The following EFNB3 variants were observed in gnomAD, a reference collection of about 807,000 sequenced individuals.
EFNB3 encodes the protein ephrin-B3.
Under a neutral mutation model 29.8 loss-of-function variants are expected in EFNB3, and 14 were observed. That is an observed-to-expected ratio of 0.47 (90% CI 0.31 to 0.73). The LOEUF is 0.73. EFNB3 is among the 30% of genes least tolerant of loss of function. EFNB3 has a pLI of 0.05. For missense variants in EFNB3, 408 were observed against 458.0 expected (o/e 0.89, Z 1.00); for synonymous variants, 216 against 191.6 (o/e 1.13, Z -1.05).
At position 7,709,058 on chromosome 17, in the gene EFNB3, TG is replaced by T; in HGVS notation, c.614-106del. The T allele has an allele frequency of 8.7e-7, 1 of 1,154,444 alleles. No homozygotes were observed. Among genetic ancestry groups the T allele is most frequent in the Non-Finnish European group, 1.2e-6 (1 of 802,246 alleles). 71.5% of individuals were successfully genotyped at this position (1,154,444 alleles called of 1,614,324 possible). ...GGAGAGATGGGGTCCCCAAGGGGCC[TG>T]GGCGCTACAAGGGAAGCCCATGGGG... On this transcript the variant is annotated intron_variant, in intron 4 of 4. Coordinates refer to ENST00000226091, the MANE Select transcript of EFNB3 (RefSeq NM_001406.4). The surrounding 1 kb of genome is among the most constrained non-coding windows in gnomAD (Gnocchi z 4.5).
rs186822054 is a variant in EFNB3, at chr17:7,706,134, C to T, written c.122+414C>T. ...AGGCAGGGCAGGGTGCCTCCCTCCCCCAGAGGGACTGCGCATCCGAGATGG... is the reference window on the plus strand; with the variant it reads ...AGGCAGGGCAGGGTGCCTCCCTCCCTCAGAGGGACTGCGCATCCGAGATGG... On this transcript the variant is annotated intron_variant, in intron 1 of 4. Coordinates refer to ENST00000226091, the MANE Select transcript of EFNB3 (RefSeq NM_001406.4). 9.9e-4 allele frequency among the ~76,000 whole-genome samples: 148 copies of T among 149,992 alleles called. 3 individuals carry two copies. The highest frequency in any genetic ancestry group is 7.5e-3 in the Admixed American group (113 of 14,988).
intron 1 of EFNB3, 116 bp from the exon 2 acceptor site, chr17:7,707,842 G>A (rs1463079335): frequency 3.3e-6 from 4 of 1,194,882 alleles, no homozygotes; most frequent in South Asian, 3.0e-5. Context: ...AGACAAAGGC[G>A]GGCAAGCGTG....
Position 7,708,818 on chromosome 17 carries a change from C to T in EFNB3, c.613+79C>T. On this transcript the variant is annotated intron_variant, in intron 4 of 4. Transcript: ENST00000226091. The surrounding 1 kb of genome is among the most constrained non-coding windows in gnomAD (Gnocchi z 6.8). ...CCCAGCTGCCCTGCCGTCACCCTCC[C>T]TCCCTCTTCAGTTTTGGGGGCGGTG... The T allele has an allele frequency of 7.6e-7, 1 of 1,311,180 alleles. No individual in the cohort carries two copies. The highest frequency in any genetic ancestry group is 2.7e-4 in the Middle Eastern group (1 of 3,670). The allele number at this position is 1,311,180 out of a possible 1,614,324, so 81.2% of individuals were successfully genotyped here.
At position 7,709,122 on chromosome 17, in the gene EFNB3, C is replaced by T; in HGVS notation, c.614-45C>T. The T allele has an allele frequency of 6.3e-7, 1 of 1,577,892 alleles. No homozygotes were observed. Among genetic ancestry groups the T allele is most frequent in the Non-Finnish European group, 8.6e-7 (1 of 1,168,308 alleles). ...GGGTGTCCAGGTGCCCAGGTGGCTC[C>T]TTCAGTCCCTCCCCCTCTTTCCTCC... On this transcript the variant is annotated intron_variant, in intron 4 of 4. Transcript: ENST00000226091. This position sits in a 1 kb window ranked among gnomAD's most constrained non-coding sequence, Gnocchi z 4.5.
Position 7,705,597 on chromosome 17 carries a change from T to A in EFNB3, c.-2T>A. On this transcript the variant is annotated 5_prime_UTR_variant, in exon 1 of 5. Transcript: ENST00000226091. This position sits in a 1 kb window ranked among gnomAD's most constrained non-coding sequence, Gnocchi z 5.4. ...CCCCGCCCCCCAGGCCTTGGCGGGGTCATGGGGCCCCCCCATTCTGGGCCG... is the reference window on the plus strand; with the variant it reads ...CCCCGCCCCCCAGGCCTTGGCGGGGACATGGGGCCCCCCCATTCTGGGCCG... 1 of 1,460,422 alleles carries A rather than the reference T, an allele frequency of 6.8e-7. No homozygotes were observed. Among genetic ancestry groups the A allele is most frequent in the Non-Finnish European group, 9.0e-7 (1 of 1,113,540 alleles). The allele number at this position is 1,460,422 out of a possible 1,614,324, so 90.5% of individuals were successfully genotyped here.
In EFNB3 at chr17:7,708,287, T is replaced by C. The variant is rs2074334456; in HGVS notation, c.415+37T>C. 1 of 1,600,078 alleles carries C rather than the reference T, an allele frequency of 6.2e-7. No homozygotes were observed. Among genetic ancestry groups the C allele is most frequent in the African/African-American group, 1.3e-5 (1 of 74,714 alleles). On this transcript the variant is annotated intron_variant, in intron 2 of 4. Transcript: ENST00000226091. This position sits in a 1 kb window ranked among gnomAD's most constrained non-coding sequence, Gnocchi z 6.8. ...CAGAGGGCACGATTGAGTGGGGGGC[T>C]CCTGATACTGAGCAGAGAGGGAGGG...
chr17:7,708,910 C>T lies in EFNB3; in HGVS notation c.613+171C>T, dbSNP rs1420717630. Among the ~76,000 whole-genome samples, 1 of 152,216 alleles carries T rather than the reference C, an allele frequency of 6.6e-6. No individual in the cohort carries two copies. The stretch of plus-strand genomic sequence containing the variant: ...GAATGGAAACCAAATGAGGAAAAGA[C>T]TCAATTAGAACTAATTAGCCAAGTC... On this transcript the variant is annotated intron_variant, in intron 4 of 4. Transcript: ENST00000226091. The surrounding 1 kb of genome is among the most constrained non-coding windows in gnomAD (Gnocchi z 6.8).
Position 7,705,763 on chromosome 17 carries a change from TG to T in EFNB3, c.122+46del. The T allele has an allele frequency of 6.6e-7, 1 of 1,517,872 alleles. No individual in the cohort carries two copies. The allele number at this position is 1,517,872 out of a possible 1,614,324, so 94.0% of individuals were successfully genotyped here. A position where few individuals can be genotyped will look rare whatever the true frequency, so the allele number is the denominator to read the frequency against. ...GGGGAGATCCCAGACCCTAGGGCAG[TG>T]GGTAGGGAAGCTCTGGGGGCTTGGA... On this transcript the variant is annotated intron_variant, in intron 1 of 4. Transcript: ENST00000226091. The surrounding 1 kb of genome is among the most constrained non-coding windows in gnomAD (Gnocchi z 5.4).
chr17:7,708,709 A>G lies in EFNB3; in HGVS notation c.583A>G (p.Ser195Gly), dbSNP rs951429681. The G allele has an allele frequency of 1.3e-6, 2 of 1,571,020 alleles. No homozygotes were observed. The highest frequency in any genetic ancestry group is 2.3e-5 in the South Asian group (2 of 85,542). Residue 195 changes from serine (S) to glycine (G), a missense_variant, in exon 4 of 5, where the codon AGC (serine) becomes GGC (glycine). Transcript: ENST00000226091. The surrounding 1 kb of genome is among the most constrained non-coding windows in gnomAD (Gnocchi z 6.8). ...PMERDRGAAH[S>G]LEPGKENLPG... Reference sequence around the variant, plus strand: ...GGAAAGAGACCGAGGGGCAGCCCACAGCCTGGAGCCTGGGAAGGAGAACCT... The same window carrying G: ...GGAAAGAGACCGAGGGGCAGCCCACGGCCTGGAGCCTGGGAAGGAGAACCT...
In EFNB3 at chr17:7,709,686, A is replaced by G. The variant is rs1248501492; in HGVS notation, c.*110A>G. The G allele has an allele frequency of 1.8e-6, 2 of 1,140,144 alleles. No homozygotes were observed. Among genetic ancestry groups the G allele is most frequent in the Non-Finnish European group, 2.6e-6 (2 of 782,402 alleles). 70.6% of individuals were successfully genotyped at this position (1,140,144 alleles called of 1,614,324 possible). A position where few individuals can be genotyped will look rare whatever the true frequency, so the allele number is the denominator to read the frequency against. On this transcript the variant is annotated 3_prime_UTR_variant, in exon 5 of 5. Coordinates refer to ENST00000226091, the MANE Select transcript of EFNB3 (RefSeq NM_001406.4). This position sits in a 1 kb window ranked among gnomAD's most constrained non-coding sequence, Gnocchi z 4.5. ...ACATCTCGGCCCCCTGTGCCCCCCC[A>G]GCCCCTTCACTCCTCCCGGCTGCTG...
chr17:7,708,847 C>G lies in EFNB3; in HGVS notation c.613+108C>G, dbSNP rs1597427247. On this transcript the variant is annotated intron_variant, in intron 4 of 4. Coordinates refer to ENST00000226091, the MANE Select transcript of EFNB3 (RefSeq NM_001406.4). The surrounding 1 kb of genome is among the most constrained non-coding windows in gnomAD (Gnocchi z 6.8). ...CTCTTCAGTTTTGGGGGCGGTGATA[C>G]AGGAAAGAGGAGAAGAGAGGATGGG... 1 of 967,358 alleles carries G rather than the reference C, an allele frequency of 1.0e-6. No homozygotes were observed. Among genetic ancestry groups the G allele is most frequent in the East Asian group, 2.7e-5 (1 of 37,688 alleles). The allele number at this position is 967,358 out of a possible 1,614,324, so 59.9% of individuals were successfully genotyped here. A position where few individuals can be genotyped will look rare whatever the true frequency, so the allele number is the denominator to read the frequency against.
Position 7,705,272 on chromosome 17 carries a change from G to T in EFNB3, c.-327G>T. 1 of 185,166 alleles carries T rather than the reference G, an allele frequency of 5.4e-6. No individual in the cohort carries two copies. Among genetic ancestry groups the T allele is most frequent in the Non-Finnish European group, 1.1e-5 (1 of 90,384 alleles). The allele number at this position is 185,166 out of a possible 1,614,324, so 11.5% of individuals were successfully genotyped here. A position where few individuals can be genotyped will look rare whatever the true frequency, so the allele number is the denominator to read the frequency against. Reference sequence around the variant, plus strand: ...GCTCCGGCTCGGCGCCCCCTTCCTCGCTCCCTGGTCCGGCGCCCCATGCCG... The same window carrying T: ...GCTCCGGCTCGGCGCCCCCTTCCTCTCTCCCTGGTCCGGCGCCCCATGCCG... On this transcript the variant is annotated 5_prime_UTR_variant, in exon 1 of 5. Transcript: ENST00000226091. This position sits in a 1 kb window ranked among gnomAD's most constrained non-coding sequence, Gnocchi z 5.4.
chr17:7,707,132 C>T, intron 1 of EFNB3, among the ~76,000 whole-genome samples: 1 of 149,746 alleles, frequency 6.7e-6, no homozygotes, highest in East Asian at 1.9e-4. Flanking sequence ...TCCTGAGACC[C>T]TGTCTCAGCA....
At chr17:7,707,896 A>T (rs568847589) in intron 1 of EFNB3, 62 bp from the exon 2 acceptor site, 3 of 1,528,644 alleles carry the variant, frequency 2.0e-6, no homozygotes, top group African/African-American at 2.8e-5. Flanking sequence ...TGAGGGAAGG[A>T]AAGTTCTGGG....
rs2229847 is a variant in EFNB3 at position 7,709,386 on chromosome 17, G to A, written c.833G>A (p.Gly278Glu). 5 of 1,596,798 alleles carry A rather than the reference G, an allele frequency of 3.1e-6. No homozygotes were observed. Among genetic ancestry groups the A allele is most frequent in the Admixed American group, 3.4e-5 (2 of 58,318 alleles). Residue 278 changes from glycine to glutamate, a missense_variant, in exon 5 of 5, where the codon GGG becomes GAG. By Grantham distance (98) the Gly-to-Glu change is moderately conservative. This residue lies in a region of EFNB3 where 233 missense variants were observed against 230.7 expected (regional missense o/e 1.01). Transcript: ENST00000226091. The surrounding 1 kb of genome is among the most constrained non-coding windows in gnomAD (Gnocchi z 4.5). ...SFGRGGSLGL[G>E]GGGGMGPREA... ...GGGAGGGGAGGGTCTCTGGGCCTGG[G>A]GGGTGGAGGTGGGATGGGACCTCGG... is the stretch of plus-strand genomic sequence containing the variant.
chr17:7,707,881 TG>T, intron 1 of EFNB3, 76 bp from the exon 2 acceptor site: 3 of 1,489,798 alleles, frequency 2.0e-6, no homozygotes, highest in Non-Finnish European at 2.7e-6. Flanking sequence ...TGGAAGGTTG[TG>T]GGGTGAGGGA....
In EFNB3 at chr17:7,708,823, T is replaced by C. The variant is rs2074337550; in HGVS notation, c.613+84T>C. 8.1e-7 allele frequency: 1 copy of C among 1,237,446 alleles called. No individual in the cohort carries two copies. Among genetic ancestry groups the C allele is most frequent in the Non-Finnish European group, 1.1e-6 (1 of 903,982 alleles). 76.7% of individuals were successfully genotyped at this position (1,237,446 alleles called of 1,614,324 possible). On this transcript the variant is annotated intron_variant, in intron 4 of 4. Transcript: ENST00000226091. This position sits in a 1 kb window ranked among gnomAD's most constrained non-coding sequence, Gnocchi z 6.8. ...CTGCCCTGCCGTCACCCTCCCTCCC[T>C]CTTCAGTTTTGGGGGCGGTGATACA...
chr17:7,707,485 C>T (rs994310313), intron 1 of EFNB3, among the ~76,000 whole-genome samples: 1 of 152,206 alleles, frequency 6.6e-6, no homozygotes, highest in Admixed American at 6.5e-5. Flanking sequence ...CCTCCCTGAA[C>T]CGCCGCCCCC....
At chr17:7,706,865 C>G (rs562048447) in intron 1 of EFNB3, among the ~76,000 whole-genome samples, 1 of 152,354 alleles carries the variant, frequency 6.6e-6, no homozygotes, top group African/African-American at 2.4e-5. Flanking sequence ...TCACACTTCT[C>G]TGCTCTGCCA....
Sources: allele counts gnomAD v4.1 joint callset (sites outside exome capture counted in the v4.1 genomes callset), GRCh38; gene constraint gnomAD v4.1.1; regional missense constraint gnomAD v4.1.1; non-coding constraint Gnocchi (gnomAD v3.1); transcripts MANE v1.5; gene names NCBI Gene and HGNC (gene_info 2026-07-23, HGNC 2026-07-21).